Variants in CCDC138 observed in about 807,000 individuals in gnomAD.
The protein encoded by CCDC138 is coiled-coil domain-containing protein 138.
In CCDC138, 66 loss-of-function variants were observed where a neutral mutation model predicts 82.3. The ratio of observed to expected loss-of-function variants is 0.80; its 90% CI spans 0.66 to 0.98. The LOEUF (loss-of-function observed/expected upper bound fraction) is 0.98, where lower values mean the gene tolerates loss of function less well. Ranked by LOEUF, CCDC138 falls within the 50% of genes least tolerant of loss-of-function variation. The pLI is 0.00. For missense variants in CCDC138, 816 were observed against 758.9 expected, an observed-to-expected ratio of 1.08 and a Z score of -0.88; for synonymous variants, 297 against 265.4, an observed-to-expected ratio of 1.12 and a Z score of -1.16.
chr2:108,855,167 TAAATTA>T (rs1692372695), intron 12 of CCDC138, among the ~76,000 whole-genome samples: 1 of 152,152 alleles, frequency 6.6e-6, no homozygotes, highest in African/African-American at 2.4e-5. Context: ...AAATATTCAA[TAAATTA>T]AAATGAAGAC....
intron 13 of CCDC138, among the ~76,000 whole-genome samples, chr2:108,861,437 T>G (rs1693585146): frequency 6.6e-6 from 1 of 151,944 alleles, no homozygotes; most frequent in Non-Finnish European, 1.5e-5. Flanking sequence ...ATTTTTCTTT[T>G]TTTATGTAGA....
intron 13 of CCDC138, among the ~76,000 whole-genome samples, chr2:108,869,275 A>T: frequency 6.6e-6 from 1 of 152,182 alleles, no homozygotes; most frequent in Admixed American, 6.5e-5. Context: ...ATGATAGGAC[A>T]TTCTGTGATA....
chr2:108,860,181 T>C (rs1693321514), intron 13 of CCDC138, among the ~76,000 whole-genome samples: 2 of 152,150 alleles, frequency 1.3e-5, no homozygotes, highest in Non-Finnish European at 2.9e-5. Context: ...TACTGATTTT[T>C]GTACGTTGAA....
At chr2:108,826,672 G>C (rs1371554693) in intron 10 of CCDC138, among the ~76,000 whole-genome samples, 1 of 152,084 alleles carries the variant, frequency 6.6e-6, no homozygotes, top group East Asian at 1.9e-4. Context: ...AGTAAATTTT[G>C]AAAACAAAGT....
At chr2:108,816,219 G>A (rs1684781369) in intron 10 of CCDC138, 114 bp downstream of exon 10, 4 of 750,048 alleles carry the variant, frequency 5.3e-6, no homozygotes, top group Admixed American at 5.8e-5. Context: ...GGGAGTTCGA[G>A]CTGGGCAGAT....
rs151263382 is a variant in CCDC138, at chr2:108,864,526, G to A, written c.1693+7556G>A. Reference sequence around the variant, plus strand: ...AAAAATTAAAAAATTAGCCGGGCACGGTGGCTCACACCTGTAATCCCAGCA... The same window carrying A: ...AAAAATTAAAAAATTAGCCGGGCACAGTGGCTCACACCTGTAATCCCAGCA... On this transcript the variant is annotated intron_variant, in intron 13 of 14. Coordinates refer to ENST00000295124, the MANE Select transcript of CCDC138 (RefSeq NM_144978.3). Among the ~76,000 whole-genome samples, 1,209 of 151,954 alleles carry A rather than the reference G, an allele frequency of 8.0e-3. 15 individuals are homozygous for A. Among genetic ancestry groups the A allele is most frequent in the African/African-American group, 0.027 (1,128 of 41,430 alleles).
rs962396298 is a variant in CCDC138, at chr2:108,876,227, T to A, written c.1972T>A (p.Ser658Thr). 2 of 1,612,084 alleles carry A rather than the reference T, an allele frequency of 1.2e-6. No individual in the cohort carries two copies. The highest frequency in any genetic ancestry group is 2.7e-5 in the African/African-American group (2 of 74,886). Residue 658 changes from serine (S) to threonine (T), a missense_variant, in exon 15 of 15, where the codon TCC becomes ACC. By Grantham distance (58) the Ser-to-Thr change is moderately conservative (BLOSUM62 1). Coordinates refer to ENST00000295124, the MANE Select transcript of CCDC138 (RefSeq NM_144978.3). ...CAATCTGGGTTTAACAAAATGTAACTCCCTGGTCTCCAGTGCAAGCCCTTA... is the reference window on the plus strand; with the variant it reads ...CAATCTGGGTTTAACAAAATGTAACACCCTGGTCTCCAGTGCAAGCCCTTA... ...LFNLGLTKCN[S>T]LVSSASP
intron 3 of CCDC138, among the ~76,000 whole-genome samples, chr2:108,789,235 A>G (rs1348904049): frequency 2.0e-5 from 3 of 152,202 alleles, no homozygotes; most frequent in Non-Finnish European, 4.4e-5. Flanking sequence ...ATATATTTTT[A>G]TGGTTATTCA....
intron 2 of CCDC138, chr2:108,884,701 G>T (rs1462416972): frequency 1.3e-5 from 2 of 152,270 alleles, no homozygotes; most frequent in African/African-American, 2.4e-5. Flanking sequence ...CCCTTTTCGA[G>T]ATTGTGTCCT....
At chr2:108,871,556 A>G (rs1416037330) in intron 13 of CCDC138, among the ~76,000 whole-genome samples, 1 of 152,110 alleles carries the variant, frequency 6.6e-6, no homozygotes, top group African/African-American at 2.4e-5. Context: ...TAGCTCCAAA[A>G]AAAATAAAAG....
downstream of CCDC138, chr2:108,878,299 T>C (rs1281656955): frequency 1.2e-5 from 2 of 173,332 alleles, no homozygotes; most frequent in Non-Finnish European, 2.5e-5. Context: ...GTTGACTCCA[T>C]TTCTCACCCT....
chr2:108,791,829 A>T, intron 4 of CCDC138, 27 bp downstream of exon 4: 1 of 1,545,760 alleles, frequency 6.5e-7, no homozygotes, highest in Non-Finnish European at 8.8e-7. Flanking sequence ...AGAACAATCA[A>T]TTCAGTAGTA....
chr2:108,852,646 C>T (rs1691701825), intron 12 of CCDC138, among the ~76,000 whole-genome samples: 1 of 152,114 alleles, frequency 6.6e-6, no homozygotes, highest in Non-Finnish European at 1.5e-5. Context: ...CAGACTAATG[C>T]AGGAACAGAA....
intron 12 of CCDC138, among the ~76,000 whole-genome samples, chr2:108,848,733 A>T (rs1364299103): frequency 6.6e-6 from 1 of 152,210 alleles, no homozygotes; most frequent in East Asian, 1.9e-4. Flanking sequence ...AGCCAACTTT[A>T]AAACAATCCT....
At chr2:108,874,597 A>G (rs559155989) in intron 14 of CCDC138, among the ~76,000 whole-genome samples, 3 of 152,320 alleles carry the variant, frequency 2.0e-5, no homozygotes, top group South Asian at 2.1e-4. Context: ...AGATTTTACC[A>G]GGCTTCCATA....
chr2:108,829,299 G>A (rs530810693), intron 10 of CCDC138, among the ~76,000 whole-genome samples: 1 of 151,962 alleles, frequency 6.6e-6, no homozygotes, highest in Non-Finnish European at 1.5e-5. Context: ...AAACCAAAAA[G>A]ACCCTATTTT....
chr2:108,814,767 A>G (rs565676376), intron 9 of CCDC138, among the ~76,000 whole-genome samples: 1 of 149,670 alleles, frequency 6.7e-6, no homozygotes, highest in Non-Finnish European at 1.5e-5. Context: ...TCCCGAAGAG[A>G]TGGGATTACA....
rs756362699 is a variant in CCDC138, at chr2:108,846,767, A to T, written c.1353A>T (p.Arg451Ser). The T allele has an allele frequency of 1.9e-6, 3 of 1,612,498 alleles. No homozygotes were observed. The highest frequency in any genetic ancestry group is 1.7e-6 in the Non-Finnish European group (2 of 1,178,958). The change falls in exon 12 of 15, where the codon AGA becomes AGT. Residue 451 changes from arginine to serine, a missense_variant. Transcript: ENST00000295124. ...QHSTMTSTLRRLGEDIFKGVV... is the reference protein window; with the variant it reads ...QHSTMTSTLRSLGEDIFKGVV... Reference sequence around the variant, plus strand: ...CGACTATGACATCAACATTGAGGAGATTGGGTGAAGACATTTTTAAAGGAG... The same window carrying T: ...CGACTATGACATCAACATTGAGGAGTTTGGGTGAAGACATTTTTAAAGGAG...
intron 10 of CCDC138, among the ~76,000 whole-genome samples, chr2:108,818,832 T>G (rs964013613): frequency 4.0e-5 from 6 of 151,564 alleles, no homozygotes; most frequent in Non-Finnish European, 8.8e-5. Flanking sequence ...TTTTTTTTTT[T>G]GTATATTTGA....
Sources: allele counts gnomAD v4.1 joint callset (sites outside exome capture counted in the v4.1 genomes callset), GRCh38; gene constraint gnomAD v4.1.1; transcripts MANE v1.5; gene names NCBI Gene and HGNC (gene_info 2026-07-23, HGNC 2026-07-21).